SLCO1B1: variants seen among roughly 807,000 people sequenced by gnomAD.
SLCO1B1 encodes the protein solute carrier organic anion transporter family member 1B1, also known as OATP-2.
A neutral mutation model predicts 70.1 loss-of-function variants in SLCO1B1; 81 were observed. The ratio of observed to expected loss-of-function variants is 1.16; its 90% confidence interval spans 0.97 to 1.39. The LOEUF is 1.39. Among genes scored for constraint, SLCO1B1 ranks in the 40% most tolerant of loss-of-function variants. The probability of loss-of-function intolerance (pLI) is 0.00; values close to 1 mark genes in which losing one functional copy is unlikely to be tolerated. For missense variants in SLCO1B1, 895 were observed against 799.6 expected (o/e 1.12, Z -1.44); for synonymous variants, 283 against 271.5 (o/e 1.04, Z -0.42).
chr12:21,178,398 G>C (rs576131938), intron 5 of SLCO1B1, among the ~76,000 whole-genome samples, 178 bp from the exon 6 acceptor site: 2 of 152,030 alleles, frequency 1.3e-5, no homozygotes, highest in East Asian at 3.9e-4. Flanking sequence ...GTATTTATTA[G>C]CAGCATAAGA....
chr12:21,183,816 C>G (rs1940932450), intron 7 of SLCO1B1, among the ~76,000 whole-genome samples: 1 of 152,000 alleles, frequency 6.6e-6, no homozygotes, highest in African/African-American at 2.4e-5. Flanking sequence ...CATTGAGATT[C>G]AGGAAAGTGC....
chr12:21,239,084 T>C lies in SLCO1B1; in HGVS notation c.1971T>C (p.Asn657=), dbSNP rs1941622546. The C allele has an allele frequency of 1.2e-6, 2 of 1,601,260 alleles. No homozygotes were observed. Among genetic ancestry groups the C allele is most frequent in the Admixed American group, 1.7e-5 (1 of 59,942 alleles). ...MKKKYQEKDI[N]ASENGSVMDE... Reference sequence around the variant, plus strand: ...AAAAATATCAAGAGAAAGATATCAATGCATCAGAAAATGGAAGTGTCATGG... The same window carrying C: ...AAAAATATCAAGAGAAAGATATCAACGCATCAGAAAATGGAAGTGTCATGG... The change falls in exon 15 of 15, where the codon AAT becomes AAC. Residue 657 remains asparagine (N), a synonymous_variant. Coordinates refer to ENST00000256958, the MANE Select transcript of SLCO1B1 (RefSeq NM_006446.5).
intron 2 of SLCO1B1, among the ~76,000 whole-genome samples, chr12:21,170,425 G>A (rs561110872): frequency 6.2e-4 from 94 of 152,226 alleles, no homozygotes; most frequent in African/African-American, 2.2e-3. Context: ...TGAGGTTCCA[G>A]GGCTGTTCTG....
intron 2 of SLCO1B1, among the ~76,000 whole-genome samples, chr12:21,163,790 C>A (rs1332216160): frequency 6.6e-6 from 1 of 152,098 alleles, no homozygotes; most frequent in Non-Finnish European, 1.5e-5. Context: ...CCTCCTGATA[C>A]CATCACATTG....
chr12:21,166,856 C>T (rs140871408), intron 2 of SLCO1B1, among the ~76,000 whole-genome samples: 2 of 152,204 alleles, frequency 1.3e-5, no homozygotes, highest in Non-Finnish European at 1.5e-5. Flanking sequence ...TTTATAGCAG[C>T]CTTATTGATA....
chr12:21,173,947 C>CGGGA (rs1940787652), intron 3 of SLCO1B1, among the ~76,000 whole-genome samples: 1 of 151,884 alleles, frequency 6.6e-6, no homozygotes, highest in South Asian at 2.1e-4. Context: ...TTAGTAGAGA[C>CGGGA]GGGATTTCAC....
chr12:21,234,136 G>T (rs1180967326), intron 14 of SLCO1B1, among the ~76,000 whole-genome samples: 1 of 152,078 alleles, frequency 6.6e-6, no homozygotes, highest in Admixed American at 6.6e-5. Context: ...TGGTGGGTAG[G>T]GGGGCCAGTG....
chr12:21,182,364 A>T (rs901576762), intron 7 of SLCO1B1, among the ~76,000 whole-genome samples: 1 of 152,100 alleles, frequency 6.6e-6, no homozygotes, highest in Non-Finnish European at 1.5e-5. Context: ...CCTTGAACCC[A>T]GGGGGTTTTG....
intron 7 of SLCO1B1, among the ~76,000 whole-genome samples, chr12:21,182,640 G>A (rs1022848085): frequency 6.6e-6 from 1 of 152,102 alleles, no homozygotes; most frequent in African/African-American, 2.4e-5. Flanking sequence ...ACCCCCACCT[G>A]AGTACTTCCT....
chr12:21,239,287 A>T lies in SLCO1B1; in HGVS notation c.*98A>T. 1 of 859,356 alleles carries T rather than the reference A, an allele frequency of 1.2e-6. No homozygotes were observed. The highest frequency in any genetic ancestry group is 2.0e-6 in the Non-Finnish European group (1 of 500,978). The allele number at this position is 859,356 out of a possible 1,614,324, so 53.2% of individuals were successfully genotyped here. A position where few individuals can be genotyped will look rare whatever the true frequency, so the allele number is the denominator to read the frequency against. ...TGAGGAGTTCCTGGTCCTTTCACTA[A>T]GAATTTCCACATCTTTTATGGTGGA... On this transcript the variant is annotated 3_prime_UTR_variant, in exon 15 of 15. Transcript: ENST00000256958.
At position 21,137,326 on chromosome 12, in the gene SLCO1B1, C is replaced by T. The variant is rs931356170; in HGVS notation, c.-61-4188C>T. On this transcript the variant is annotated intron_variant, in intron 1 of 14. Coordinates refer to ENST00000256958, the MANE Select transcript of SLCO1B1 (RefSeq NM_006446.5). ...CTGCCTGTTCTCAGATCTCAAGCTG[C>T]GTGCTGGGAGAACCACTGCTCTCTT... Among the ~76,000 whole-genome samples, 27 of 152,258 alleles carry T rather than the reference C, an allele frequency of 1.8e-4. 1 individual carries two copies. Among genetic ancestry groups the T allele is most frequent in the Admixed American group, 1.2e-3 (19 of 15,298 alleles).
At chr12:21,175,177 T>C (rs1940805322) in intron 4 of SLCO1B1, among the ~76,000 whole-genome samples, 1 of 152,138 alleles carries the variant, frequency 6.6e-6, no homozygotes, top group African/African-American at 2.4e-5. Context: ...ATTTTTCACA[T>C]TACAGTTAAT....
intron 14 of SLCO1B1, among the ~76,000 whole-genome samples, chr12:21,230,453 C>G (rs1449817648): frequency 6.6e-6 from 1 of 151,298 alleles, no homozygotes; most frequent in East Asian, 2.0e-4. Context: ...GCCTCAGCCT[C>G]CCGAGTAGCT....
At chr12:21,228,980 T>A (rs1941506155) in intron 14 of SLCO1B1, among the ~76,000 whole-genome samples, 1 of 151,916 alleles carries the variant, frequency 6.6e-6, no homozygotes, top group African/African-American at 2.4e-5. Flanking sequence ...TGTTCTTTGC[T>A]TGATTGTGTA....
intron 2 of SLCO1B1, among the ~76,000 whole-genome samples, chr12:21,163,336 G>C (rs954634849): frequency 9.9e-5 from 15 of 152,018 alleles, no homozygotes; most frequent in African/African-American, 3.4e-4. Context: ...CTTCATTAAA[G>C]GACTACAACG....
chr12:21,132,011 G>A (rs905137286), intron 1 of SLCO1B1, among the ~76,000 whole-genome samples: 3 of 151,624 alleles, frequency 2.0e-5, no homozygotes, highest in Admixed American at 6.6e-5. Context: ...AACAGTCCCC[G>A]GTGTGTGATG....
chr12:21,138,960 G>C (rs1226861466), intron 1 of SLCO1B1, among the ~76,000 whole-genome samples: 2 of 152,174 alleles, frequency 1.3e-5, no homozygotes, highest in South Asian at 2.1e-4. Context: ...GTCGTTAAAG[G>C]GATCTTTGAA....
intron 8 of SLCO1B1, 73 bp from the exon 9 acceptor site, chr12:21,200,435 G>A (rs1229382013): frequency 2.9e-5 from 29 of 1,007,060 alleles, no homozygotes; most frequent in Admixed American, 8.7e-5. Context: ...CATGACTTAC[G>A]TTCACAAATT....
intron 13 of SLCO1B1, among the ~76,000 whole-genome samples, chr12:21,223,556 TCA>T (rs1941452337): frequency 1.3e-5 from 2 of 152,168 alleles, no homozygotes; most frequent in Admixed American, 1.3e-4. Flanking sequence ...TGAAAATTTC[TCA>T]CTCATTTCCT....
Sources: allele counts gnomAD v4.1 joint callset (sites outside exome capture counted in the v4.1 genomes callset), GRCh38; gene constraint gnomAD v4.1.1; transcripts MANE v1.5; gene names NCBI Gene and HGNC (gene_info 2026-07-23, HGNC 2026-07-21).